The following RALGAPA2 variants were observed in gnomAD, a reference collection of about 807,000 sequenced individuals.
The protein encoded by RALGAPA2 is ral GTPase-activating protein subunit alpha-2.
Under a neutral mutation model 230.4 loss-of-function variants are expected in RALGAPA2, and 139 were observed. That is an observed-to-expected ratio of 0.60 (90% CI 0.53 to 0.69). The LOEUF (loss-of-function observed/expected upper bound fraction) is 0.69, where lower values mean the gene tolerates loss of function less well. RALGAPA2 is among the 30% of genes least tolerant of loss of function. The pLI, the probability that RALGAPA2 is intolerant of heterozygous loss-of-function variation, is 0.00. For synonymous variants in RALGAPA2, 847 were observed against 837.8 expected (o/e 1.01, Z -0.19); for missense variants, 2,163 against 2,276.0 (o/e 0.95, Z 1.01).
chr20:20,468,953 G>C (rs1389397037), intron 37 of RALGAPA2, among the ~76,000 whole-genome samples: 1 of 150,624 alleles, frequency 6.6e-6, no homozygotes, highest in Non-Finnish European at 1.5e-5. Context: ...GTGTGTGTGT[G>C]TGTGTGTGTT....
intron 6 of RALGAPA2, among the ~76,000 whole-genome samples, chr20:20,640,458 C>T (rs1735968077): frequency 6.6e-6 from 1 of 152,228 alleles, no homozygotes; most frequent in Admixed American, 6.5e-5. Context: ...CTACTGCCAA[C>T]ATCTGTCCCC....
At chr20:20,462,524 C>T (rs2061326200) in intron 37 of RALGAPA2, among the ~76,000 whole-genome samples, 1 of 152,130 alleles carries the variant, frequency 6.6e-6, no homozygotes, top group Non-Finnish European at 1.5e-5. Context: ...AAGCACAGGG[C>T]CTCAGAAATG....
rs912985075 is a variant in RALGAPA2 at position 20,712,179 on chromosome 20, C to T, written c.106+196G>A. On this transcript the variant is annotated intron_variant, in intron 1 of 39. Transcript: ENST00000202677. This position sits in a 1 kb window ranked among gnomAD's most constrained non-coding sequence, Gnocchi z 5.5. ...AAGTTTAACTCGAGGGCGACGGGAG[C>T]AGTGCCCGAGGGCCAGGCTGCGGCT... Among the ~76,000 whole-genome samples, 1 of 152,146 alleles carries T rather than the reference C, an allele frequency of 6.6e-6. No individual in the cohort carries two copies. Among genetic ancestry groups the T allele is most frequent in the African/African-American group, 2.4e-5 (1 of 41,450 alleles).
intron 35 of RALGAPA2, among the ~76,000 whole-genome samples, chr20:20,502,049 G>A (rs992170639): frequency 6.6e-6 from 1 of 152,096 alleles, no homozygotes; most frequent in Non-Finnish European, 1.5e-5. Context: ...ATGAGATAAT[G>A]ATAATAATAA....
At chr20:20,617,825 TAAAC>T (rs1433439208) in intron 12 of RALGAPA2, among the ~76,000 whole-genome samples, 2 of 152,262 alleles carry the variant, frequency 1.3e-5, no homozygotes, top group South Asian at 2.1e-4. Context: ...TTTTTCTTAA[TAAAC>T]AAAGTAAAGG....
chr20:20,611,390 T>C lies in RALGAPA2; in HGVS notation c.1725A>G (p.Glu575=). Residue 575 remains glutamate, a synonymous_variant, in exon 14 of 40, where the codon GAA becomes GAG. Coordinates refer to ENST00000202677, the MANE Select transcript of RALGAPA2 (RefSeq NM_020343.4). ...QMLQILLRIT[E]AVMQKPKDKQ... The stretch of plus-strand genomic sequence containing the variant: ...TATCCTTTGGCTTCTGCATGACAGC[T>C]TCTGTTATCCTGAGTAGTATTTGCA... The C allele has an allele frequency of 6.2e-7, 1 of 1,613,628 alleles. No individual in the cohort carries two copies. Among genetic ancestry groups the C allele is most frequent in the South Asian group, 1.1e-5 (1 of 91,034 alleles).
chr20:20,545,852 G>A (rs2063761565), intron 24 of RALGAPA2, among the ~76,000 whole-genome samples: 1 of 152,086 alleles, frequency 6.6e-6, no homozygotes, highest in Non-Finnish European at 1.5e-5. Context: ...ATCATTTAAG[G>A]CTAGGAGTTT....
At chr20:20,653,427 T>C in intron 4 of RALGAPA2, 103 bp downstream of exon 4, 1 of 708,850 alleles carries the variant, frequency 1.4e-6, no homozygotes, top group Non-Finnish European at 2.4e-6. Flanking sequence ...CTTATTAATA[T>C]TCCTTTCTAT....
chr20:20,486,217 G>A lies in RALGAPA2; in HGVS notation c.5367+8900C>T, dbSNP rs937571586. ...TAAAGCTTTTCCCTTCTTTAAGTGG[G>A]TCCATCTTTATGACTTCTATAATTT... On this transcript the variant is annotated intron_variant, in intron 36 of 39. Transcript: ENST00000202677. Among the ~76,000 whole-genome samples, 32 of 151,712 alleles carry A rather than the reference G, an allele frequency of 2.1e-4. 1 individual carries two copies. The highest frequency in any genetic ancestry group is 7.7e-4 in the African/African-American group (32 of 41,372).
chr20:20,622,028 G>A (rs1241757403), intron 10 of RALGAPA2, among the ~76,000 whole-genome samples: 2 of 152,142 alleles, frequency 1.3e-5, no homozygotes, highest in East Asian at 1.9e-4. Flanking sequence ...TATCAATATC[G>A]AGATAACTGT....
chr20:20,637,776 A>G (rs2066902610), intron 7 of RALGAPA2, among the ~76,000 whole-genome samples: 1 of 152,236 alleles, frequency 6.6e-6, no homozygotes, highest in South Asian at 2.1e-4. Context: ...GTAATGTATC[A>G]TGCCCATATT....
At chr20:20,689,370 A>G (rs1031203679) in intron 1 of RALGAPA2, among the ~76,000 whole-genome samples, 3 of 152,228 alleles carry the variant, frequency 2.0e-5, no homozygotes, top group African/African-American at 7.2e-5. Flanking sequence ...TAAGACAGGA[A>G]CAGTGGCTCA....
At chr20:20,672,152 A>G (rs2068157719) in intron 3 of RALGAPA2, among the ~76,000 whole-genome samples, 1 of 152,210 alleles carries the variant, frequency 6.6e-6, no homozygotes, top group Non-Finnish European at 1.5e-5. Flanking sequence ...GAACCCTCAA[A>G]TGGAGCTAAA....
At chr20:20,413,604 C>T (rs1042276573) in intron 37 of RALGAPA2, among the ~76,000 whole-genome samples, 113 of 152,208 alleles carry the variant, frequency 7.4e-4, no homozygotes, top group African/African-American at 1.1e-3. Flanking sequence ...AATAGCCGCA[C>T]GTGGCTAGGG....
intron 35 of RALGAPA2, among the ~76,000 whole-genome samples, chr20:20,499,058 A>G (rs2062296026): frequency 6.6e-6 from 1 of 152,254 alleles, no homozygotes; most frequent in South Asian, 2.1e-4. Flanking sequence ...GAATCACTTT[A>G]GAATTTTGCA....
Position 20,524,850 on chromosome 20 carries a change from A to T in RALGAPA2, c.3742T>A (p.Ser1248Thr). 10 of 1,609,676 alleles carry T rather than the reference A, an allele frequency of 6.2e-6. No individual in the cohort carries two copies. Among genetic ancestry groups the T allele is most frequent in the Non-Finnish European group, 8.5e-6 (10 of 1,178,154 alleles). ...AFLLPSAEYS[S>T]VETDKKFIVS... ...CCTACCTTCTTGTCTGTTTCCACTG[A>T]GGAGTACTCTGCACTTGGTAAAAGA... Residue 1248 changes from serine to threonine, a missense_variant, in exon 29 of 40, where the codon TCA (serine) becomes ACA (threonine). Physicochemically the swap from Ser to Thr is moderately conservative, Grantham distance 58. Transcript: ENST00000202677.
At position 20,583,030 on chromosome 20, in the gene RALGAPA2, T is replaced by C; in HGVS notation, c.2707+20A>G. The C allele has an allele frequency of 1.2e-6, 2 of 1,610,376 alleles. No homozygotes were observed. The highest frequency in any genetic ancestry group is 8.5e-7 in the Non-Finnish European group (1 of 1,177,702). On this transcript the variant is annotated intron_variant, in intron 20 of 39. Coordinates refer to ENST00000202677, the MANE Select transcript of RALGAPA2 (RefSeq NM_020343.4). Reference sequence around the variant, plus strand: ...TCCCAGCTGTTTGCATTAGTGCCTCTTTTTCAAAATGCAATTTACCTGTTA... The same window carrying C: ...TCCCAGCTGTTTGCATTAGTGCCTCCTTTTCAAAATGCAATTTACCTGTTA...
chr20:20,565,055 A>G (rs767174617), intron 23 of RALGAPA2, among the ~76,000 whole-genome samples: 2 of 152,224 alleles, frequency 1.3e-5, no homozygotes, highest in Non-Finnish European at 2.9e-5. Context: ...TTAAATTCAC[A>G]AATAAGTACT....
chr20:20,420,511 C>G (rs1012299473), intron 37 of RALGAPA2, among the ~76,000 whole-genome samples: 2 of 152,120 alleles, frequency 1.3e-5, no homozygotes, highest in African/African-American at 4.8e-5. Context: ...TTGAAATGAC[C>G]AGAACTTCTG....
Sources: gnomAD v4.1 joint callset for allele counts (sites outside exome capture counted in the v4.1 genomes callset) on GRCh38, gnomAD v4.1.1 for gene constraint, Gnocchi (gnomAD v3.1) non-coding constraint, MANE v1.5 for transcripts, NCBI Gene and HGNC (gene_info 2026-07-23, HGNC 2026-07-21) for gene names.